MPP2: variants seen among roughly 807,000 people sequenced by gnomAD.
The protein encoded by MPP2 is MAGUK p55 scaffold protein 2.
Under a neutral mutation model 58.5 loss-of-function variants are expected in MPP2, and 42 were observed. That is an observed-to-expected ratio of 0.72 (90% CI 0.56 to 0.93). The LOEUF (loss-of-function observed/expected upper bound fraction) is 0.93, where lower values mean the gene tolerates loss of function less well. Among genes scored for constraint, MPP2 ranks in the 40% least tolerant of loss-of-function variants. MPP2 has a pLI of 0.00. For synonymous variants in MPP2, 300 were observed against 307.8 expected, an observed-to-expected ratio of 0.97 and a Z score of 0.26; for missense variants, 632 against 760.4, an observed-to-expected ratio of 0.83 and a Z score of 1.99.
intron 3 of MPP2, among the ~76,000 whole-genome samples, chr17:43,889,607 C>T (rs187242717): frequency 2.6e-5 from 4 of 151,126 alleles, no homozygotes; most frequent in East Asian, 4.0e-4. Context: ...GTGATCCGCC[C>T]GGCTCAGCCT....
intron 3 of MPP2, among the ~76,000 whole-genome samples, chr17:43,892,805 A>T (rs776116852): frequency 6.6e-6 from 1 of 152,226 alleles, no homozygotes; most frequent in African/African-American, 2.4e-5. Context: ...ACAATGTGAC[A>T]CAGCACATTG....
At position 43,875,811 on chromosome 17, in the gene MPP2, A is replaced by G. The variant is rs562849127; in HGVS notation, c.*1996T>C. On this transcript the variant is annotated 3_prime_UTR_variant, in exon 13 of 13. Coordinates refer to ENST00000269095, the MANE Select transcript of MPP2 (RefSeq NM_005374.5). Reference sequence around the variant, plus strand: ...GGTACCCAACCCATCTCCATCAGAGATGATGGTCATTTGGATCAAGGGGGC... The same window carrying G: ...GGTACCCAACCCATCTCCATCAGAGGTGATGGTCATTTGGATCAAGGGGGC... 2.6e-5 allele frequency: 4 copies of G among 152,212 alleles called. No homozygotes were observed. Among genetic ancestry groups the G allele is most frequent in the South Asian group, 2.1e-4 (1 of 4,820 alleles). 9.4% of individuals were successfully genotyped at this position (152,212 alleles called of 1,614,324 possible).
intron 3 of MPP2, among the ~76,000 whole-genome samples, chr17:43,890,112 G>A (rs2047544295): frequency 3.3e-5 from 5 of 151,814 alleles, no homozygotes; most frequent in South Asian, 2.1e-4. Flanking sequence ...GCACCCGGCC[G>A]TATTTTCTAT....
At chr17:43,891,867 GTTC>G (rs939997719) in intron 3 of MPP2, among the ~76,000 whole-genome samples, 1 of 152,202 alleles carries the variant, frequency 6.6e-6, no homozygotes, top group African/African-American at 2.4e-5. Context: ...CAAGCCCTGT[GTTC>G]TTTCTTCTTC....
chr17:43,890,209 C>G (rs1195335132), intron 3 of MPP2, among the ~76,000 whole-genome samples: 1 of 152,062 alleles, frequency 6.6e-6, no homozygotes, highest in Non-Finnish European at 1.5e-5. Flanking sequence ...AATTATTTCC[C>G]TTACTGCTTT....
intron 3 of MPP2, among the ~76,000 whole-genome samples, chr17:43,894,878 G>A (rs1375274385): frequency 6.6e-6 from 1 of 151,952 alleles, no homozygotes; most frequent in East Asian, 1.9e-4. Context: ...AGGAGTTCCA[G>A]GCTGCAGTGA....
At position 43,880,187 on chromosome 17, in the gene MPP2, T is replaced by C. The variant is rs528101504; in HGVS notation, c.1151-203A>G. Among the ~76,000 whole-genome samples, 5 of 152,086 alleles carry C rather than the reference T, an allele frequency of 3.3e-5. No homozygotes were observed. Among genetic ancestry groups the C allele is most frequent in the African/African-American group, 1.2e-4 (5 of 41,482 alleles). ...ACACAGAGACATGAGCTGGTAATCA[T>C]GGTCCAGCCCAGAGCCCACAGAAGA... On this transcript the variant is annotated intron_variant, in intron 10 of 12. Transcript: ENST00000269095. This position sits in a 1 kb window ranked among gnomAD's most constrained non-coding sequence, Gnocchi z 5.2.
At chr17:43,904,289 G>T in intron 2 of MPP2, 141 bp downstream of exon 2, 1 of 727,696 alleles carries the variant, frequency 1.4e-6, no homozygotes, top group Non-Finnish European at 2.4e-6. Context: ...GCAGCTGCCA[G>T]AAGGAATGGC....
At chr17:43,887,475 A>G (rs1434413264) in intron 3 of MPP2, among the ~76,000 whole-genome samples, 1 of 150,382 alleles carries the variant, frequency 6.6e-6, no homozygotes, top group Non-Finnish European at 1.5e-5. Context: ...TTTTTTTTTT[A>G]AGGGAGGGCT....
intron 1 of MPP2, among the ~76,000 whole-genome samples, chr17:43,906,965 C>T (rs2048316183): frequency 6.6e-6 from 1 of 152,032 alleles, no homozygotes; most frequent in African/African-American, 2.4e-5. Flanking sequence ...ACCCGCCCCG[C>T]TACAGCTTGG....
chr17:43,882,843 T>G, intron 5 of MPP2, 60 bp downstream of exon 5: 3 of 1,605,790 alleles, frequency 1.9e-6, no homozygotes, highest in Non-Finnish European at 2.5e-6. Flanking sequence ...GTCCGTTCAT[T>G]GGTTATTCTC....
At chr17:43,906,223 G>T in intron 1 of MPP2, 1 of 827,160 alleles carries the variant, frequency 1.2e-6, no homozygotes, top group African/African-American at 1.9e-5. Context: ...GTCTTGCCCA[G>T]CCTGCCTGGG....
At chr17:43,901,587 C>T in intron 2 of MPP2, 1 of 985,436 alleles carries the variant, frequency 1.0e-6, no homozygotes, top group Non-Finnish European at 1.2e-6. Context: ...GTTGCCATGA[C>T]AGTAGAATTA....
Position 43,894,030 on chromosome 17 carries a change from T to C in MPP2, c.150+4232A>G, listed in dbSNP as rs563266535. Among the ~76,000 whole-genome samples, 86 of 151,328 alleles carry C rather than the reference T, an allele frequency of 5.7e-4. 1 individual carries two copies. Among genetic ancestry groups the C allele is most frequent in the Middle Eastern group, 6.9e-3 (2 of 290 alleles). On this transcript the variant is annotated intron_variant, in intron 3 of 12. Transcript: ENST00000269095. ...TGGCTCACGCCTGTAATCCCAGCAC[T>C]TTGGGAGGCTGAGGCAGGCGAATCA... is the stretch of plus-strand genomic sequence containing the variant.
chr17:43,903,389 G>A (rs921096919), intron 2 of MPP2, among the ~76,000 whole-genome samples: 5 of 152,142 alleles, frequency 3.3e-5, no homozygotes, highest in African/African-American at 1.2e-4. Flanking sequence ...AGGACACAGG[G>A]TTAATGCCAA....
chr17:43,904,241 G>A (rs779086042), intron 2 of MPP2, among the ~76,000 whole-genome samples, 189 bp downstream of exon 2: 4 of 152,152 alleles, frequency 2.6e-5, no homozygotes, highest in African/African-American at 2.4e-5. Flanking sequence ...TCTCTTCTCC[G>A]TTCCAGCACA....
rs2057611123 is a variant in MPP2 at position 43,877,591 on chromosome 17, GGCA to G, written c.*213_*215del. 1 of 580,880 alleles carries G rather than the reference GGCA, an allele frequency of 1.7e-6. No individual in the cohort carries two copies. Among genetic ancestry groups the G allele is most frequent in the Middle Eastern group, 4.7e-4 (1 of 2,128 alleles). 36.0% of individuals were successfully genotyped at this position (580,880 alleles called of 1,614,324 possible). ...TGGTGACCAATGGGCATCAGGAGTGGGCAGCACCTGGGCACAAGGTACCCCATG... is the reference window on the plus strand; with the variant it reads ...TGGTGACCAATGGGCATCAGGAGTGGGCACCTGGGCACAAGGTACCCCATG... On this transcript the variant is annotated 3_prime_UTR_variant, in exon 13 of 13. Transcript: ENST00000269095.
At chr17:43,900,111 A>G (rs2048025190) in intron 2 of MPP2, among the ~76,000 whole-genome samples, 1 of 152,070 alleles carries the variant, frequency 6.6e-6, no homozygotes, top group Non-Finnish European at 1.5e-5. Flanking sequence ...CTGGACTCCC[A>G]TCTCCTTCCT....
At chr17:43,907,126 T>A (rs2048323415) in intron 1 of MPP2, 1 of 969,806 alleles carries the variant, frequency 1.0e-6, no homozygotes, top group Non-Finnish European at 1.2e-6. Context: ...GCACGGTTCT[T>A]ACGTAATGCC....
Sources: allele counts gnomAD v4.1 joint callset (sites outside exome capture counted in the v4.1 genomes callset), GRCh38; gene constraint gnomAD v4.1.1; non-coding constraint Gnocchi (gnomAD v3.1); transcripts MANE v1.5; gene names NCBI Gene and HGNC (gene_info 2026-07-23, HGNC 2026-07-21).